APBA1: variants seen among roughly 807,000 people sequenced by gnomAD.
The protein encoded by APBA1 is amyloid beta precursor protein binding family A member 1, also known as amyloid-beta A4 precursor protein-binding family A member 1.
A neutral mutation model predicts 86.6 loss-of-function variants in APBA1; 55 were observed. The observed-to-expected ratio is 0.64, with a 90% CI of 0.51 to 0.80. The LOEUF (loss-of-function observed/expected upper bound fraction) is 0.80, where lower values mean the gene tolerates loss of function less well. Ranked by LOEUF, APBA1 falls within the 30% of genes least tolerant of loss-of-function variation. The pLI, the probability that APBA1 is intolerant of heterozygous loss-of-function variation, is 0.00. For synonymous variants in APBA1, 511 were observed against 493.9 expected (o/e 1.03, Z -0.46); for missense variants, 1,090 against 1,183.0 (o/e 0.92, Z 1.15).
At chr9:69,654,109 T>A (rs1167858335) in intron 1 of APBA1, among the ~76,000 whole-genome samples, 2 of 89,176 alleles carry the variant, frequency 2.2e-5, no homozygotes, top group East Asian at 3.0e-4. Flanking sequence ...CGAAACTCCA[T>A]CTCAAAAAAA....
Position 69,471,663 on chromosome 9 carries a change from G to C in APBA1, c.1329C>G (p.Tyr443Ter). 1 of 1,613,392 alleles carries C rather than the reference G, an allele frequency of 6.2e-7. No individual in the cohort carries two copies. Among genetic ancestry groups the C allele is most frequent in the Non-Finnish European group, 8.5e-7 (1 of 1,179,660 alleles). ...TTTCTTTTCAGCTCTTACCTTCAAC[G>C]TAGGTTGGGAATGAAGCCAAGCTTT... ...SRKSLASFPT[Y>*]VEVPGPCDPE... Residue 443 changes from tyrosine (Y) to a stop codon, truncating the protein, a stop_gained, in exon 4 of 13, where the codon TAC (tyrosine) becomes TAG (stop). Coordinates refer to ENST00000265381, the MANE Select transcript of APBA1 (RefSeq NM_001163.4). LOFTEE classifies it high-confidence loss of function.
chr9:69,647,774 A>G (rs567035805), intron 1 of APBA1, among the ~76,000 whole-genome samples: 2 of 152,386 alleles, frequency 1.3e-5, no homozygotes, highest in East Asian at 1.9e-4. Flanking sequence ...TTGAGTATTT[A>G]AAAGTCTTCA....
At chr9:69,653,050 T>C (rs1482664362) in intron 1 of APBA1, among the ~76,000 whole-genome samples, 1 of 150,784 alleles carries the variant, frequency 6.6e-6, no homozygotes, top group Non-Finnish European at 1.5e-5. Flanking sequence ...CTGTGTTGGC[T>C]ACAAGAAACT....
At chr9:69,618,254 C>T (rs1822744412) in intron 1 of APBA1, among the ~76,000 whole-genome samples, 1 of 152,194 alleles carries the variant, frequency 6.6e-6, no homozygotes, top group African/African-American at 2.4e-5. Flanking sequence ...CAGGTCTTCT[C>T]AGACTCTTCA....
At chr9:69,482,868 G>C (rs140835845) in intron 2 of APBA1, among the ~76,000 whole-genome samples, 1 of 149,546 alleles carries the variant, frequency 6.7e-6, no homozygotes, top group African/African-American at 2.5e-5. Flanking sequence ...GTAAACTATC[G>C]CAAGAACAAA....
At chr9:69,592,670 G>A (rs1329646570) in intron 1 of APBA1, among the ~76,000 whole-genome samples, 1 of 152,118 alleles carries the variant, frequency 6.6e-6, no homozygotes, top group Non-Finnish European at 1.5e-5. Context: ...TCTTTCCTAT[G>A]CTCTCACGTG....
rs565638794 is a variant in APBA1, at chr9:69,581,401, A to T, written c.-69-64122T>A. 3.4e-4 allele frequency among the ~76,000 whole-genome samples: 52 copies of T among 152,238 alleles called. 1 individual carries two copies. Among genetic ancestry groups the T allele is most frequent in the Non-Finnish European group, 6.2e-4 (42 of 68,006 alleles). On this transcript the variant is annotated intron_variant, in intron 1 of 12. Transcript: ENST00000265381. Reference sequence around the variant, plus strand: ...TTTCTCTGAAGGTAGAAAAAAAAAGAAGTTCTGCCTCCTTTGGAAAAGTCA... The same window carrying T: ...TTTCTCTGAAGGTAGAAAAAAAAAGTAGTTCTGCCTCCTTTGGAAAAGTCA...
In APBA1 at chr9:69,636,923, GA is replaced by G. The variant is rs1491454679; in HGVS notation, c.-70+35229del. Reference sequence around the variant, plus strand: ...GGAAGGAAGGAAGGAAGGAAGGAAGGAAAGAAAGAAAGAAAGAAAGAAAGAA... The same window carrying G: ...GGAAGGAAGGAAGGAAGGAAGGAAGGAAGAAAGAAAGAAAGAAAGAAAGAA... On this transcript the variant is annotated intron_variant, in intron 1 of 12. Transcript: ENST00000265381. Among the ~76,000 whole-genome samples, 696 of 97,844 alleles carry G rather than the reference GA, an allele frequency of 7.1e-3. 8 individuals are homozygous for G. The highest frequency in any genetic ancestry group is 0.029 in the African/African-American group (620 of 21,142). The allele number at this position is 97,844 out of a possible 152,430, so 64.2% of individuals were successfully genotyped here. A position where few individuals can be genotyped will look rare whatever the true frequency, so the allele number is the denominator to read the frequency against.
chr9:69,560,858 T>C, intron 1 of APBA1, among the ~76,000 whole-genome samples: 1 of 152,190 alleles, frequency 6.6e-6, no homozygotes, highest in Non-Finnish European at 1.5e-5. Flanking sequence ...GCATTTCAGA[T>C]TTAAAATTAG....
At chr9:69,672,433 A>G (rs1156597117), upstream of APBA1, 1 of 146,580 alleles carries the variant, frequency 6.8e-6, no homozygotes, top group Non-Finnish European at 1.5e-5. Flanking sequence ...GCCCCTCGTG[A>G]CGCGCGCTGG....
At chr9:69,433,677 A>C (rs1336849112) in intron 11 of APBA1, among the ~76,000 whole-genome samples, 1 of 152,184 alleles carries the variant, frequency 6.6e-6, no homozygotes. Flanking sequence ...TCCTCTCCTA[A>C]TAGGCAAATT....
chr9:69,526,439 A>T (rs1038050126), intron 1 of APBA1, among the ~76,000 whole-genome samples: 1 of 152,208 alleles, frequency 6.6e-6, no homozygotes, highest in Non-Finnish European at 1.5e-5. Flanking sequence ...TCAAAAGAAG[A>T]CATACAAGTG....
At chr9:69,555,803 G>A (rs948006287) in intron 1 of APBA1, among the ~76,000 whole-genome samples, 1 of 152,090 alleles carries the variant, frequency 6.6e-6, no homozygotes, top group Non-Finnish European at 1.5e-5. Flanking sequence ...ATGCATACTA[G>A]CCATCTGATT....
chr9:69,633,928 T>C (rs1175405260), intron 1 of APBA1, among the ~76,000 whole-genome samples: 9 of 152,276 alleles, frequency 5.9e-5, no homozygotes, highest in Admixed American at 5.2e-4. Context: ...CATCTTTAGG[T>C]CAAACTCTGT....
intron 1 of APBA1, among the ~76,000 whole-genome samples, chr9:69,578,647 A>G (rs1003462930): frequency 6.6e-6 from 1 of 152,196 alleles, no homozygotes; most frequent in Admixed American, 6.5e-5. Flanking sequence ...TGGGAATGTC[A>G]TTATGTAGAA....
chr9:69,502,523 A>C (rs1279011779), intron 2 of APBA1, among the ~76,000 whole-genome samples: 2 of 152,056 alleles, frequency 1.3e-5, no homozygotes, highest in Non-Finnish European at 2.9e-5. Context: ...TCTTTAAAAA[A>C]ATTACTCCGG....
At chr9:69,571,567 C>G (rs1355764158) in intron 1 of APBA1, among the ~76,000 whole-genome samples, 1 of 152,064 alleles carries the variant, frequency 6.6e-6, no homozygotes, top group Non-Finnish European at 1.5e-5. Context: ...AAAATATTAA[C>G]AGTGGTTTCG....
intron 1 of APBA1, among the ~76,000 whole-genome samples, chr9:69,522,276 C>G (rs1380579249): frequency 6.6e-6 from 1 of 151,946 alleles, no homozygotes; most frequent in African/African-American, 2.4e-5. Flanking sequence ...TTTTTAGTAA[C>G]TGAAAAAGGA....
At chr9:69,632,844 G>A (rs1321131820) in intron 1 of APBA1, among the ~76,000 whole-genome samples, 4 of 152,100 alleles carry the variant, frequency 2.6e-5, no homozygotes, top group East Asian at 1.9e-4. Context: ...TGATCCAAAC[G>A]AATGATATTC....
Sources: gnomAD v4.1 joint callset for allele counts (sites outside exome capture counted in the v4.1 genomes callset) on GRCh38, gnomAD v4.1.1 for gene constraint, MANE v1.5 for transcripts, NCBI Gene and HGNC (gene_info 2026-07-23, HGNC 2026-07-21) for gene names.